The following SLMAP variants were observed in gnomAD, a reference collection of about 807,000 sequenced individuals.
SLMAP encodes sarcolemmal membrane-associated protein.
In SLMAP, 44 loss-of-function variants were observed where a neutral mutation model predicts 128.8. The observed-to-expected ratio is 0.34, with a 90% CI of 0.27 to 0.44. SLMAP has a LOEUF of 0.44. Among genes scored for constraint, SLMAP ranks in the 20% least tolerant of loss-of-function variants. The probability of loss-of-function intolerance (pLI) is 1.00; values close to 1 mark genes in which losing one functional copy is unlikely to be tolerated. For synonymous variants in SLMAP, 327 were observed against 348.8 expected, an observed-to-expected ratio of 0.94 and a Z score of 0.70; for missense variants, 787 against 985.3, an observed-to-expected ratio of 0.80 and a Z score of 2.69.
chr3:57,888,267 A>C (rs1477672622), intron 14 of SLMAP, among the ~76,000 whole-genome samples: 2 of 152,232 alleles, frequency 1.3e-5, no homozygotes, highest in African/African-American at 4.8e-5. Flanking sequence ...AAGGCCATAC[A>C]AGAAAGGAAA....
intron 13 of SLMAP, among the ~76,000 whole-genome samples, chr3:57,869,640 AT>A (rs1312003164): frequency 7.1e-5 from 9 of 127,248 alleles, no homozygotes; most frequent in African/African-American, 2.9e-4. Flanking sequence ...TTATATATAT[AT>A]ATATATATAT....
At chr3:57,907,553 C>T (rs1302091551) in intron 17 of SLMAP, among the ~76,000 whole-genome samples, 1 of 152,162 alleles carries the variant, frequency 6.6e-6, no homozygotes, top group Non-Finnish European at 1.5e-5. Flanking sequence ...AGAAGTATAG[C>T]ATTTTGCTCA....
chr3:57,797,265 A>T (rs1203120957), intron 2 of SLMAP, among the ~76,000 whole-genome samples: 22 of 151,304 alleles, frequency 1.5e-4, no homozygotes, highest in Admixed American at 1.5e-3. Flanking sequence ...CAGGCGGATC[A>T]CCTGAGGTCG....
chr3:57,823,615 A>C (rs1306396711), intron 2 of SLMAP, among the ~76,000 whole-genome samples: 1 of 152,142 alleles, frequency 6.6e-6, no homozygotes, highest in East Asian at 1.9e-4. Context: ...AATCCAGTCT[A>C]TCATTGTTGG....
intron 3 of SLMAP, among the ~76,000 whole-genome samples, chr3:57,833,941 A>G (rs1343960559): frequency 6.6e-6 from 1 of 152,200 alleles, no homozygotes; most frequent in Non-Finnish European, 1.5e-5. Context: ...GAAAAAAAGT[A>G]TTGATTTTTA....
At chr3:57,781,893 C>T (rs1449830757) in intron 2 of SLMAP, among the ~76,000 whole-genome samples, 3 of 151,948 alleles carry the variant, frequency 2.0e-5, no homozygotes, top group Non-Finnish European at 4.4e-5. Flanking sequence ...GCACCACACC[C>T]AGCTAATTTT....
intron 2 of SLMAP, among the ~76,000 whole-genome samples, chr3:57,763,710 GGT>G (rs1387868071): frequency 3.3e-5 from 5 of 152,236 alleles, no homozygotes; most frequent in African/African-American, 1.2e-4. Context: ...GGATAGAGAG[GGT>G]GACAGTGCAC....
chr3:57,916,948 C>T lies in SLMAP; in HGVS notation c.2181C>T (p.Ile727=), dbSNP rs760518610. The stretch of plus-strand genomic sequence containing the variant: ...TAGAGCTTACCAGTGATCTCAGCAT[C>T]CTTCAAATGTCTAGGAAAGAACTTG... The part of the protein sequence containing the change: ...QSLELTSDLS[I]LQMSRKELEN... Residue 727 remains isoleucine (I), a synonymous_variant, in exon 22 of 25, where the codon ATC becomes ATT. Coordinates refer to ENST00000671191, the MANE Select transcript of SLMAP (RefSeq NM_001377540.1). 2.4e-5 allele frequency: 38 copies of T among 1,613,748 alleles called. No individual in the cohort carries two copies. In the South Asian group the frequency reaches 3.7e-4, roughly 16 times the overall value.
At chr3:57,923,167 C>A in intron 23 of SLMAP, 144 bp downstream of exon 23, 1 of 816,418 alleles carries the variant, frequency 1.2e-6, no homozygotes, top group Non-Finnish European at 1.9e-6. Context: ...ATGATAGAAT[C>A]ATTGTGCTGT....
chr3:57,774,636 T>G (rs1170293528), intron 2 of SLMAP, among the ~76,000 whole-genome samples: 1 of 152,026 alleles, frequency 6.6e-6, no homozygotes, highest in Non-Finnish European at 1.5e-5. Flanking sequence ...GCAATTCTTC[T>G]GCCTCAGCCT....
intron 4 of SLMAP, among the ~76,000 whole-genome samples, chr3:57,844,267 G>A (rs1462621444): frequency 5.3e-5 from 8 of 151,864 alleles, no homozygotes; most frequent in Non-Finnish European, 5.9e-5. Context: ...GGTGGTGAGC[G>A]CCTGTAGTCC....
At chr3:57,850,891 TC>T (rs1303932017) in intron 6 of SLMAP, among the ~76,000 whole-genome samples, 3 of 152,162 alleles carry the variant, frequency 2.0e-5, no homozygotes, top group Admixed American at 6.5e-5. Context: ...CACTTCAGCC[TC>T]CCAAAGTGTT....
Position 57,784,418 on chromosome 3 carries a change from T to TA in SLMAP, c.198+26570dup. On this transcript the variant is annotated intron_variant, in intron 2 of 24. Transcript: ENST00000671191. ...GAGATTCTTCTCCAGCTTTAAGACT[T>TA]ATTGTTGTTTTTCTTGGGACCACCA... 3.9e-5 allele frequency among the ~76,000 whole-genome samples: 6 copies of TA among 152,250 alleles called. No homozygotes were observed. In the South Asian group the frequency reaches 1.2e-3, roughly 32 times the overall value.
intron 10 of SLMAP, among the ~76,000 whole-genome samples, chr3:57,864,200 G>A (rs567921751): frequency 6.6e-6 from 1 of 152,250 alleles, no homozygotes; most frequent in African/African-American, 2.4e-5. Flanking sequence ...CTGAGGTCAG[G>A]CGTTCGAGAC....
intron 21 of SLMAP, 50 bp from the exon 22 acceptor site, chr3:57,916,856 G>GAAGGA: frequency 6.8e-7 from 1 of 1,478,670 alleles, no homozygotes; most frequent in Non-Finnish European, 9.4e-7. Context: ...ACTTCCTTCT[G>GAAGGA]TGTCCAGTTT....
At chr3:57,920,690 C>T (rs1487970474) in intron 22 of SLMAP, among the ~76,000 whole-genome samples, 1 of 151,984 alleles carries the variant, frequency 6.6e-6, no homozygotes, top group African/African-American at 2.4e-5. Flanking sequence ...ATATTCAATC[C>T]TTGTCTATCT....
chr3:57,809,675 T>G (rs1470403011), intron 2 of SLMAP, among the ~76,000 whole-genome samples: 1 of 152,154 alleles, frequency 6.6e-6, no homozygotes, highest in Admixed American at 6.5e-5. Flanking sequence ...TTGTGGTGCC[T>G]TTTCCGGTCC....
rs528459774 is a variant in SLMAP at position 57,907,955 on chromosome 3, G to A, written c.1573G>A (p.Glu525Lys). The A allele has an allele frequency of 6.2e-6, 10 of 1,613,786 alleles. No individual in the cohort carries two copies. The highest frequency in any genetic ancestry group is 1.7e-5 in the Admixed American group (1 of 59,986). Reference sequence around the variant, plus strand: ...ACAGCATCTTCGAAAGGAATTGATCGAAGCCCAGGAGCTAGCTAGAACAAG... The same window carrying A: ...ACAGCATCTTCGAAAGGAATTGATCAAAGCCCAGGAGCTAGCTAGAACAAG... ...EIQHLRKELIEAQELARTSKQ... is the reference protein window; with the variant it reads ...EIQHLRKELIKAQELARTSKQ... Residue 525 changes from glutamate (E) to lysine (K), a missense_variant, in exon 18 of 25, where the codon GAA becomes AAA. Transcript: ENST00000671191.
chr3:57,916,782 T>C, intron 21 of SLMAP, 124 bp from the exon 22 acceptor site: 1 of 718,280 alleles, frequency 1.4e-6, no homozygotes, highest in Non-Finnish European at 2.2e-6. Context: ...CATTCTTTTT[T>C]ATACTTTTCT....
Sources: gnomAD v4.1 joint callset for allele counts (sites outside exome capture counted in the v4.1 genomes callset) on GRCh38, gnomAD v4.1.1 for gene constraint, MANE v1.5 for transcripts, NCBI Gene and HGNC (gene_info 2026-07-23, HGNC 2026-07-21) for gene names.